The following ARG2 variants were observed in gnomAD, a reference collection of about 807,000 sequenced individuals.
ARG2 encodes the protein arginase 2.
ARG2 carries 21 observed loss-of-function variants against 39.4 expected under a neutral mutation model. The observed-to-expected ratio is 0.53, with a 90% CI of 0.38 to 0.77. The LOEUF is 0.77. ARG2 is among the 30% of genes least tolerant of loss of function. The pLI, the probability that ARG2 is intolerant of heterozygous loss-of-function variation, is 0.00. For missense variants in ARG2, 378 were observed against 426.2 expected (o/e 0.89, Z 1.00); for synonymous variants, 150 against 156.7 (o/e 0.96, Z 0.32).
intron 6 of ARG2, 105 bp downstream of exon 6, chr14:67,647,130 A>C: frequency 1.3e-6 from 1 of 751,930 alleles, no homozygotes; most frequent in South Asian, 1.8e-5. Flanking sequence ...AAGCAAAAAC[A>C]TACACATAAT....
At chr14:67,649,511 T>C (rs951606072) in intron 7 of ARG2, 1 of 152,208 alleles carries the variant, frequency 6.6e-6, no homozygotes, top group African/African-American at 2.4e-5. Context: ...ACATAAGTCA[T>C]GTATATATTT....
chr14:67,642,456 A>G, intron 3 of ARG2, 93 bp downstream of exon 3: 2 of 1,410,932 alleles, frequency 1.4e-6, no homozygotes, highest in Non-Finnish European at 1.9e-6. Flanking sequence ...ATCTGGAGAA[A>G]AATACCCTAC....
At chr14:67,649,397 T>C (rs1001990794) in intron 7 of ARG2, 3 of 151,852 alleles carry the variant, frequency 2.0e-5, no homozygotes, top group African/African-American at 7.3e-5. Context: ...ACTTGGGAGG[T>C]TGAGGCTGCA....
At chr14:67,629,446 G>A (rs2036897339) in intron 2 of ARG2, among the ~76,000 whole-genome samples, 1 of 152,198 alleles carries the variant, frequency 6.6e-6, no homozygotes, top group Admixed American at 6.5e-5. Context: ...GACAAATACA[G>A]CATGATTCCA....
intron 2 of ARG2, among the ~76,000 whole-genome samples, chr14:67,630,396 T>C (rs1484920671): frequency 6.6e-6 from 1 of 152,168 alleles, no homozygotes; most frequent in Non-Finnish European, 1.5e-5. Context: ...CTCTGCCTAA[T>C]GGTGCCAGAT....
chr14:67,643,883 GAC>G (rs2037064344), intron 3 of ARG2, among the ~76,000 whole-genome samples: 1 of 85,700 alleles, frequency 1.2e-5, no homozygotes, highest in African/African-American at 5.0e-5. Flanking sequence ...AAAAAAAAAA[GAC>G]TCAGGTTGAA....
chr14:67,629,809 C>A (rs1052802978), intron 2 of ARG2, among the ~76,000 whole-genome samples: 1 of 152,118 alleles, frequency 6.6e-6, no homozygotes, highest in Non-Finnish European at 1.5e-5. Flanking sequence ...CAAGGACTTG[C>A]GTTAGTGAAG....
intron 2 of ARG2, among the ~76,000 whole-genome samples, chr14:67,640,539 G>C (rs938652230): frequency 6.6e-6 from 1 of 152,236 alleles, no homozygotes; most frequent in Middle Eastern, 3.4e-3. Flanking sequence ...AAGAGGTAGA[G>C]CTCAAAATTA....
rs10483802 is a variant in ARG2, at chr14:67,650,704, T to C, written c.860-11T>C. The stretch of plus-strand genomic sequence containing the variant: ...GGGAACCTGAGGTTTTGTCACACTT[T>C]GTTCTTCCAGGGTTGCTATCAGCAC... On this transcript the variant is annotated splice_polypyrimidine_tract_variant and intron_variant, in intron 7 of 7. Transcript: ENST00000261783. The C allele has an allele frequency of 0.06, 97,520 of 1,612,962 alleles. 5,092 individuals carry two copies. The highest frequency in any genetic ancestry group is 0.23 in the East Asian group (10,344 of 44,866).
rs2037176921 is a variant in ARG2 at position 67,651,541 on chromosome 14, T to A, written c.*621T>A. On this transcript the variant is annotated 3_prime_UTR_variant, in exon 8 of 8. Transcript: ENST00000261783. Reference sequence around the variant, plus strand: ...GTTTGGATAACCTTCCTTCTAAACATTTTGGGGTTAGACCTGGGACCACGG... The same window carrying A: ...GTTTGGATAACCTTCCTTCTAAACAATTTGGGGTTAGACCTGGGACCACGG... 10 of 1,585,384 alleles carry A rather than the reference T, an allele frequency of 6.3e-6. No individual in the cohort carries two copies. Among genetic ancestry groups the A allele is most frequent in the Non-Finnish European group, 8.6e-6 (10 of 1,163,482 alleles).
intron 2 of ARG2, among the ~76,000 whole-genome samples, chr14:67,632,042 TTTTG>T (rs1464121034): frequency 2.6e-5 from 4 of 152,094 alleles, no homozygotes; most frequent in African/African-American, 4.8e-5. Flanking sequence ...GCCTAGCTAA[TTTTG>T]TTTATTTTTT....
chr14:67,628,810 C>T (rs753345821), intron 2 of ARG2, among the ~76,000 whole-genome samples: 3 of 152,162 alleles, frequency 2.0e-5, no homozygotes, highest in Non-Finnish European at 4.4e-5. Context: ...CTATGGAAAA[C>T]GGTATGGCAA....
chr14:67,651,567 C>T lies in ARG2; in HGVS notation c.*647C>T. On this transcript the variant is annotated 3_prime_UTR_variant, in exon 8 of 8. Transcript: ENST00000261783. Reference sequence around the variant, plus strand: ...TTTGGGGTTAGACCTGGGACCACGGCTGGATACTCTGAGGCTGTATGTTTG... The same window carrying T: ...TTTGGGGTTAGACCTGGGACCACGGTTGGATACTCTGAGGCTGTATGTTTG... The T allele has an allele frequency of 2.1e-6, 3 of 1,446,588 alleles. No individual in the cohort carries two copies. The South Asian group carries it at 3.9e-5, about 19-fold the overall frequency. 89.6% of individuals were successfully genotyped at this position (1,446,588 alleles called of 1,614,324 possible).
intron 2 of ARG2, among the ~76,000 whole-genome samples, chr14:67,640,528 C>T (rs928592540): frequency 2.6e-5 from 4 of 152,134 alleles, no homozygotes; most frequent in African/African-American, 4.8e-5. Context: ...AGTTTGGGTT[C>T]AAGAGGTAGA....
At chr14:67,646,873 AAAAATGCTCTTTAAACTAAGGACTCC>A in intron 5 of ARG2, 22 bp from the exon 6 acceptor site, 1 of 1,442,948 alleles carries the variant, frequency 6.9e-7, no homozygotes, top group South Asian at 1.2e-5. Context: ...CATATTTGTT[AAAAATGCTCTTTAAACTAAGGACTCC>A]TCCCTTTATA....
At chr14:67,649,321 A>C (rs1438023942) in intron 7 of ARG2, 2 of 152,266 alleles carry the variant, frequency 1.3e-5, no homozygotes, top group East Asian at 3.9e-4. Flanking sequence ...CAGGGGTTCA[A>C]GACCAGCGTG....
intron 2 of ARG2, among the ~76,000 whole-genome samples, chr14:67,638,059 G>C (rs1188313337): frequency 2.6e-5 from 4 of 152,128 alleles, no homozygotes; most frequent in Non-Finnish European, 5.9e-5. Context: ...CCACAAGCCA[G>C]GTCTCTGAAT....
intron 2 of ARG2, among the ~76,000 whole-genome samples, chr14:67,624,761 G>T (rs932220344): frequency 6.6e-6 from 1 of 152,212 alleles, no homozygotes; most frequent in Non-Finnish European, 1.5e-5. Context: ...TGGCAAAAAT[G>T]ATCAGAATCA....
At position 67,646,976 on chromosome 14, in the gene ARG2, C is replaced by G. The variant is rs1566806242; in HGVS notation, c.673C>G (p.Leu225Val). ...TTTTTCCATGAGAGATATTGATCGACTTGGTATCCAGAAGGTCATGGAACG... is the reference window on the plus strand; with the variant it reads ...TTTTTCCATGAGAGATATTGATCGAGTTGGTATCCAGAAGGTCATGGAACG... ...QYFSMRDIDR[L>V]GIQKVMERTF... Residue 225 changes from leucine to valine, a missense_variant, in exon 6 of 8, where the codon CTT (leucine) becomes GTT (valine). By Grantham distance (32) the Leu-to-Val change is conservative. Coordinates refer to ENST00000261783, the MANE Select transcript of ARG2 (RefSeq NM_001172.4). 2.5e-6 allele frequency: 4 copies of G among 1,612,958 alleles called. No homozygotes were observed. Among genetic ancestry groups the G allele is most frequent in the Non-Finnish European group, 3.4e-6 (4 of 1,179,242 alleles).
Sources: gnomAD v4.1 joint callset for allele counts (sites outside exome capture counted in the v4.1 genomes callset) on GRCh38, gnomAD v4.1.1 for gene constraint, MANE v1.5 for transcripts, NCBI Gene and HGNC (gene_info 2026-07-23, HGNC 2026-07-21) for gene names.